RFX4: variants seen among roughly 807,000 people sequenced by gnomAD.
RFX4 encodes the protein transcription factor RFX4.
In RFX4, 10 loss-of-function variants were observed where a neutral mutation model predicts 95.0. The observed-to-expected ratio is 0.11, with a 90% CI of 0.06 to 0.18. RFX4 has a LOEUF of 0.18. RFX4 is among the 10% of genes least tolerant of loss of function. The pLI, the probability that RFX4 is intolerant of heterozygous loss-of-function variation, is 1.00. For missense variants in RFX4, 640 were observed against 922.0 expected, an observed-to-expected ratio of 0.69 and a Z score of 3.96; for synonymous variants, 321 against 340.7, an observed-to-expected ratio of 0.94 and a Z score of 0.64.
In RFX4 at chr12:106,755,158, G is replaced by A. The variant is rs140974854; in HGVS notation, c.1935+4365G>A. 2.8e-3 allele frequency among the ~76,000 whole-genome samples: 428 copies of A among 152,278 alleles called. 1 individual carries two copies. The highest frequency in any genetic ancestry group is 9.4e-3 in the African/African-American group (392 of 41,546). On this transcript the variant is annotated intron_variant, in intron 17 of 17. Transcript: ENST00000392842. The stretch of plus-strand genomic sequence containing the variant: ...GTCACCCAGGCTGGAGTGCAGCTGC[G>A]CAATCTTGGCTCACTGCAACCTCTA...
At chr12:106,618,141 G>A (rs12422729) in intron 2 of RFX4, among the ~76,000 whole-genome samples, 1 of 152,112 alleles carries the variant, frequency 6.6e-6, no homozygotes, top group Non-Finnish European at 1.5e-5. Flanking sequence ...ATACTGGATG[G>A]AGTGTTTTAT....
chr12:106,681,960 C>T (rs367624650), intron 4 of RFX4, 33 bp from the exon 5 acceptor site: 2 of 1,612,460 alleles, frequency 1.2e-6, no homozygotes, highest in Non-Finnish European at 1.7e-6. Flanking sequence ...CAACTCTTCC[C>T]AATGGGTAAC....
chr12:106,689,825 G>C (rs1390138970), intron 7 of RFX4, among the ~76,000 whole-genome samples: 1 of 152,098 alleles, frequency 6.6e-6, no homozygotes, highest in African/African-American at 2.4e-5. Flanking sequence ...CTGATCCATA[G>C]ATTTCCATCA....
At chr12:106,642,017 A>G (rs2040640429) in intron 3 of RFX4, among the ~76,000 whole-genome samples, 1 of 144,652 alleles carries the variant, frequency 6.9e-6, no homozygotes, top group South Asian at 2.2e-4. Context: ...CTATATCTAT[A>G]TCTATTTTTT....
At chr12:106,601,136 C>T (rs1565945322) in intron 1 of RFX4, 4 of 1,435,056 alleles carry the variant, frequency 2.8e-6, no homozygotes, top group East Asian at 2.6e-5. Context: ...GGACCTGTGG[C>T]GTTGCCATGG....
At chr12:106,638,862 C>T (rs1249121792) in intron 2 of RFX4, among the ~76,000 whole-genome samples, 1 of 152,182 alleles carries the variant, frequency 6.6e-6, no homozygotes, top group Non-Finnish European at 1.5e-5. Flanking sequence ...TCATAAGACT[C>T]ATGACTGATC....
intron 6 of RFX4, 58 bp downstream of exon 6, chr12:106,687,155 C>G: frequency 7.6e-7 from 1 of 1,307,690 alleles, no homozygotes; most frequent in South Asian, 1.2e-5. Flanking sequence ...TTCTCTCTCT[C>G]TCTCTGTCTC....
chr12:106,644,787 T>G (rs904907250), intron 3 of RFX4, among the ~76,000 whole-genome samples: 2 of 152,204 alleles, frequency 1.3e-5, no homozygotes, highest in Non-Finnish European at 2.9e-5. Context: ...AACAGGAACC[T>G]AATGCTAGGA....
In RFX4 at chr12:106,761,387, G is replaced by C; in HGVS notation, c.2126G>C (p.Arg709Thr). The C allele has an allele frequency of 6.2e-7, 1 of 1,614,068 alleles. No homozygotes were observed. The highest frequency in any genetic ancestry group is 8.5e-7 in the Non-Finnish European group (1 of 1,180,016). The change falls in exon 18 of 18, where the codon AGG becomes ACG. Residue 709 changes from arginine to threonine, a missense_variant. Physicochemically the swap from Arg to Thr is moderately conservative, Grantham distance 71 (BLOSUM62 -1). Coordinates refer to ENST00000392842, the MANE Select transcript of RFX4 (RefSeq NM_213594.3). The stretch of plus-strand genomic sequence containing the variant: ...ATGTATACACCTCTGACAACGCGCA[G>C]GAATTCTGAATATGAGCACATGCAA... The part of the protein sequence containing the change: ...SDMYTPLTTR[R>T]NSEYEHMQHF...
At chr12:106,648,552 A>G (rs1183980788) in intron 3 of RFX4, among the ~76,000 whole-genome samples, 1 of 151,276 alleles carries the variant, frequency 6.6e-6, no homozygotes, top group African/African-American at 2.4e-5. Flanking sequence ...GATAAGTTAA[A>G]ATAGTTAATA....
chr12:106,698,211 C>T (rs924167707), intron 8 of RFX4, among the ~76,000 whole-genome samples: 6 of 151,790 alleles, frequency 4.0e-5, no homozygotes, highest in African/African-American at 9.7e-5. Flanking sequence ...TGACCTCAGG[C>T]GATCCAACCG....
chr12:106,624,697 C>T (rs760361069), intron 2 of RFX4, among the ~76,000 whole-genome samples: 32 of 152,016 alleles, frequency 2.1e-4, no homozygotes, highest in African/African-American at 5.6e-4. Flanking sequence ...AGGAATAGAC[C>T]ATATGTGGCC....
chr12:106,676,629 C>T (rs934544025), intron 4 of RFX4, among the ~76,000 whole-genome samples: 7 of 152,100 alleles, frequency 4.6e-5, no homozygotes, highest in African/African-American at 1.2e-4. Context: ...GGAGGAGACA[C>T]GGGGCTGTCT....
chr12:106,751,934 T>C (rs1593017915), intron 17 of RFX4, among the ~76,000 whole-genome samples: 1 of 144,274 alleles, frequency 6.9e-6, no homozygotes, highest in South Asian at 2.3e-4. Context: ...AGAAGCTCTT[T>C]AGTTTAATTA....
At chr12:106,708,672 C>A (rs2042135075) in intron 8 of RFX4, among the ~76,000 whole-genome samples, 1 of 152,116 alleles carries the variant, frequency 6.6e-6, no homozygotes, top group Admixed American at 6.6e-5. Context: ...GGCCTGTGAG[C>A]AGATGGCTTT....
In RFX4 at chr12:106,586,827, G is replaced by T. The variant is rs868187084; in HGVS notation, c.43+3464G>T. ...CCCACAAGGCAAAGTGCGTCCTGGAGGGAACAGGGCCCGAGCCTCCTCCAT... is the reference window on the plus strand; with the variant it reads ...CCCACAAGGCAAAGTGCGTCCTGGATGGAACAGGGCCCGAGCCTCCTCCAT... On this transcript the variant is annotated intron_variant, in intron 1 of 17. Coordinates refer to ENST00000392842, the MANE Select transcript of RFX4 (RefSeq NM_213594.3). This position sits in a 1 kb window ranked among gnomAD's most constrained non-coding sequence, Gnocchi z 5.6. Among the ~76,000 whole-genome samples, 1 of 152,248 alleles carries T rather than the reference G, an allele frequency of 6.6e-6. No homozygotes were observed. The highest frequency in any genetic ancestry group is 1.5e-5 in the Non-Finnish European group (1 of 68,048).
intron 4 of RFX4, among the ~76,000 whole-genome samples, chr12:106,661,038 C>T: frequency 6.6e-6 from 1 of 152,162 alleles, no homozygotes; most frequent in East Asian, 1.9e-4. Context: ...TCAACTCACA[C>T]TTATTGAGGG....
intron 3 of RFX4, among the ~76,000 whole-genome samples, chr12:106,650,302 AC>A (rs999883688): frequency 2.6e-5 from 4 of 152,218 alleles, no homozygotes; most frequent in African/African-American, 4.8e-5. Flanking sequence ...AAAAAGGGAT[AC>A]TTTTATCTTC....
intron 8 of RFX4, among the ~76,000 whole-genome samples, chr12:106,700,582 A>C (rs973609399): frequency 6.7e-6 from 1 of 149,964 alleles, no homozygotes; most frequent in African/African-American, 2.5e-5. Context: ...AATTTTTTGT[A>C]TTTTTAGTAG....
Sources: gnomAD v4.1 joint callset for allele counts (sites outside exome capture counted in the v4.1 genomes callset) on GRCh38, gnomAD v4.1.1 for gene constraint, Gnocchi (gnomAD v3.1) non-coding constraint, MANE v1.5 for transcripts, NCBI Gene and HGNC (gene_info 2026-07-23, HGNC 2026-07-21) for gene names.